Variants in NAV1 observed in about 807,000 individuals in gnomAD.
NAV1 encodes the protein pore membrane and/or filament interacting like protein 3.
NAV1 carries 18 observed loss-of-function variants against 175.2 expected under a neutral mutation model. The observed-to-expected ratio is 0.10, with a 90% CI of 0.07 to 0.15. The LOEUF (loss-of-function observed/expected upper bound fraction) is 0.15. NAV1 is among the 10% of genes least tolerant of loss of function. The probability of loss-of-function intolerance (pLI) is 1.00; values close to 1 mark genes in which losing one functional copy is unlikely to be tolerated. For synonymous variants in NAV1, 897 were observed against 978.7 expected, an observed-to-expected ratio of 0.92 and a Z score of 1.56; for missense variants, 1,731 against 2,436.6, an observed-to-expected ratio of 0.71 and a Z score of 6.10.
chr1:201,673,369 GGA>G (rs1670121207), intron 1 of NAV1: 2 of 152,206 alleles, frequency 1.3e-5, no homozygotes, highest in African/African-American at 2.4e-5. Context: ...CATAGTAGCT[GGA>G]GAGTGGTAAA....
At chr1:201,652,703 C>T (rs1315245682) in intron 1 of NAV1, among the ~76,000 whole-genome samples, 5 of 152,066 alleles carry the variant, frequency 3.3e-5, no homozygotes, top group African/African-American at 1.2e-4. Flanking sequence ...TCCTTACCCC[C>T]TAGGGATGGG....
rs974946483 is a variant in NAV1, at chr1:201,627,558, A to C, written c.-100-1846A>C. On this transcript the variant is annotated intron_variant, in intron 1 of 29. Coordinates refer to the NAV1 transcript ENST00000367302. ...CACCCTAAGTACTGGGATTATAGAAATGAGCCACTGCACCCGTCTGCCTAT... is the reference window on the plus strand; with the variant it reads ...CACCCTAAGTACTGGGATTATAGAACTGAGCCACTGCACCCGTCTGCCTAT... Among the ~76,000 whole-genome samples the C allele has an allele frequency of 3.0e-5, 4 of 132,110 alleles. No individual in the cohort carries two copies. The East Asian group carries it at 1.0e-3, about 33-fold the overall frequency. 86.7% of individuals were successfully genotyped at this position (132,110 alleles called of 152,430 possible). A position where few individuals can be genotyped will look rare whatever the true frequency, so the allele number is the denominator to read the frequency against.
At chr1:201,818,164 G>A (rs1679178613) in intron 29 of NAV1, among the ~76,000 whole-genome samples, 1 of 152,086 alleles carries the variant, frequency 6.6e-6, no homozygotes, top group African/African-American at 2.4e-5. Context: ...GGGAAGTTGA[G>A]GCTACAGTGA....
chr1:201,797,931 C>T (rs911765661), intron 15 of NAV1: 9 of 152,206 alleles, frequency 5.9e-5, no homozygotes, highest in African/African-American at 2.2e-4. Flanking sequence ...GAGTTCCAGA[C>T]CTTTACTTCC....
chr1:201,656,159 G>A (rs1406033398), intron 1 of NAV1, among the ~76,000 whole-genome samples: 1 of 152,248 alleles, frequency 6.6e-6, no homozygotes, highest in East Asian at 1.9e-4. Context: ...CAGGGTCTGG[G>A]CCTTGGCCTG....
chr1:201,800,463 C>T (rs908969680), intron 15 of NAV1, among the ~76,000 whole-genome samples: 4 of 152,212 alleles, frequency 2.6e-5, no homozygotes, highest in African/African-American at 9.6e-5. Context: ...ATTGGAAACA[C>T]AGCCACACTC....
At chr1:201,565,370 C>A (rs1319828035) in intron 1 of NAV1, among the ~76,000 whole-genome samples, 1 of 152,258 alleles carries the variant, frequency 6.6e-6, no homozygotes, top group East Asian at 1.9e-4. Context: ...GTCAGTCTCC[C>A]TTCCTGTGCC....
intron 3 of NAV1, chr1:201,739,741 C>T: frequency 1.1e-5 from 13 of 1,165,858 alleles, no homozygotes; most frequent in Non-Finnish European, 1.4e-5. Context: ...TGTCTACCTG[C>T]TCTGGGTGTT....
intron 1 of NAV1, among the ~76,000 whole-genome samples, chr1:201,691,521 G>A (rs530463627): frequency 6.6e-6 from 1 of 152,318 alleles, no homozygotes; most frequent in Admixed American, 6.5e-5. Context: ...GAATGAGGAA[G>A]GGTTGAACAT....
rs545068554 is a variant in NAV1, at chr1:201,778,092, C to T, written c.1227-2329C>T. 9.2e-5 allele frequency among the ~76,000 whole-genome samples: 14 copies of T among 152,316 alleles called. No individual in the cohort carries two copies. The South Asian group carries it at 2.7e-3, about 29-fold the overall frequency. On this transcript the variant is annotated intron_variant, in intron 3 of 29. Transcript: ENST00000367296. The stretch of plus-strand genomic sequence containing the variant: ...TTTTGCTAGGAAGTATTTATATCCT[C>T]TAGCCAACCTTCCTTGGTAATTCTA...
intron 1 of NAV1, among the ~76,000 whole-genome samples, chr1:201,704,327 C>T (rs958908247): frequency 6.6e-6 from 1 of 152,226 alleles, no homozygotes; most frequent in Admixed American, 6.5e-5. Flanking sequence ...CTGTCCACCT[C>T]GCTGCGCTGC....
Position 201,663,335 on chromosome 1 carries a change from G to GTAGCACCT in NAV1, c.757+13913_757+13920dup, listed in dbSNP as rs532741940. 1.8e-4 allele frequency among the ~76,000 whole-genome samples: 28 copies of GTAGCACCT among 152,300 alleles called. 1 individual carries two copies. The East Asian group carries it at 5.4e-3, about 29-fold the overall frequency. ...GAGATGTGGAGAAGATTATCAAAGG[G>GTAGCACCT]TAGCACCTTATGTTCGAGCCCATGA... is the stretch of plus-strand genomic sequence containing the variant. On this transcript the variant is annotated intron_variant, in intron 1 of 29. Transcript: ENST00000367296.
intron 1 of NAV1, among the ~76,000 whole-genome samples, chr1:201,703,498 A>G (rs1383254486): frequency 6.6e-6 from 1 of 152,182 alleles, no homozygotes; most frequent in African/African-American, 2.4e-5. Context: ...AGGATAGCAA[A>G]CTAGCACTCC....
chr1:201,578,200 G>A (rs373765866), intron 1 of NAV1, among the ~76,000 whole-genome samples: 1 of 151,992 alleles, frequency 6.6e-6, no homozygotes, highest in Non-Finnish European at 1.5e-5. Context: ...TTTTCTTTCT[G>A]TTGTTCATAT....
chr1:201,621,165 C>T (rs1351510065), upstream of NAV1, among the ~76,000 whole-genome samples: 1 of 152,086 alleles, frequency 6.6e-6, no homozygotes, highest in African/African-American at 2.4e-5. Flanking sequence ...AGGGATCCTC[C>T]CCGCTCGGCC....
intron 1 of NAV1, among the ~76,000 whole-genome samples, chr1:201,567,974 C>A (rs1320150043): frequency 6.6e-6 from 1 of 152,190 alleles, no homozygotes; most frequent in Admixed American, 6.5e-5. Flanking sequence ...GTGTGTCCAG[C>A]TGTGTGCCAT....
intron 2 of NAV1, among the ~76,000 whole-genome samples, chr1:201,633,503 G>A (rs187969158): frequency 4.6e-5 from 7 of 152,332 alleles, no homozygotes; most frequent in Non-Finnish European, 4.4e-5. Context: ...ACTGCCGCCA[G>A]TACTCACTCA....
intron 1 of NAV1, among the ~76,000 whole-genome samples, chr1:201,558,157 G>A (rs1666086847): frequency 6.6e-6 from 1 of 152,138 alleles, no homozygotes; most frequent in African/African-American, 2.4e-5. Context: ...ATAAACTGAC[G>A]ATATGTAGAT....
chr1:201,693,334 C>T (rs1373732803), intron 1 of NAV1, among the ~76,000 whole-genome samples: 1 of 152,116 alleles, frequency 6.6e-6, no homozygotes, highest in Non-Finnish European at 1.5e-5. Context: ...TGATTTCTAC[C>T]AAGAGGAGGG....
Sources: gnomAD v4.1 joint callset for allele counts (sites outside exome capture counted in the v4.1 genomes callset) on GRCh38, gnomAD v4.1.1 for gene constraint, MANE v1.5 for transcripts, NCBI Gene and HGNC (gene_info 2026-07-23, HGNC 2026-07-21) for gene names.